The following LRFN5 variants were observed in gnomAD, a reference collection of about 807,000 sequenced individuals.
The protein encoded by LRFN5 is leucine-rich repeat and fibronectin type-III domain-containing protein 5.
LRFN5 carries 24 observed loss-of-function variants against 45.6 expected under a neutral mutation model. That is an observed-to-expected ratio of 0.53 (90% CI 0.38 to 0.74). LRFN5 has a LOEUF of 0.74. Among genes scored for constraint, LRFN5 ranks in the 30% least tolerant of loss-of-function variants. The probability of loss-of-function intolerance (pLI) is 0.00; values close to 1 mark genes in which losing one functional copy is unlikely to be tolerated. For missense variants in LRFN5, 776 were observed against 861.5 expected, an observed-to-expected ratio of 0.90 and a Z score of 1.24; for synonymous variants, 340 against 313.8, an observed-to-expected ratio of 1.08 and a Z score of -0.88.
intron 1 of LRFN5, among the ~76,000 whole-genome samples, chr14:41,618,876 GT>G (rs375513422): frequency 6.6e-6 from 1 of 152,200 alleles, no homozygotes; most frequent in South Asian, 2.1e-4. Flanking sequence ...GGCAGAATAT[GT>G]TTTTTTCTTA....
intron 1 of LRFN5, among the ~76,000 whole-genome samples, chr14:41,746,731 G>A (rs1185535556): frequency 6.6e-6 from 1 of 151,872 alleles, no homozygotes; most frequent in East Asian, 1.9e-4. Context: ...GAAGGAAAAG[G>A]CATTAGAATT....
chr14:41,893,484 G>A lies in LRFN5; in HGVS notation c.2098+1522G>A, dbSNP rs140569671. 5.2e-4 allele frequency: 512 copies of A among 982,486 alleles called. 3 individuals carry two copies. The African/African-American group carries it at 8.2e-3, about 16-fold the overall frequency. The allele number at this position is 982,486 out of a possible 1,614,324, so 60.9% of individuals were successfully genotyped here. Reference sequence around the variant, plus strand: ...TTTTAGCCATAATATCATAAGATAGGTACTTTACTATCTTATGTCAAGTAC... The same window carrying A: ...TTTTAGCCATAATATCATAAGATAGATACTTTACTATCTTATGTCAAGTAC... On this transcript the variant is annotated intron_variant, in intron 4 of 5. Coordinates refer to ENST00000298119, the MANE Select transcript of LRFN5 (RefSeq NM_152447.5).
chr14:41,823,199 T>C (rs1217878434), intron 2 of LRFN5, among the ~76,000 whole-genome samples: 1 of 152,102 alleles, frequency 6.6e-6, no homozygotes, highest in Non-Finnish European at 1.5e-5. Flanking sequence ...AGTTGTTTTG[T>C]ACTGTATACG....
chr14:41,676,816 T>C (rs1881652954), intron 1 of LRFN5, among the ~76,000 whole-genome samples: 1 of 152,192 alleles, frequency 6.6e-6, no homozygotes, highest in African/African-American at 2.4e-5. Context: ...CCTGAGAAGC[T>C]AGTCTTTAAA....
chr14:41,807,263 A>G (rs1228753094), intron 2 of LRFN5, among the ~76,000 whole-genome samples: 2 of 152,144 alleles, frequency 1.3e-5, no homozygotes, highest in Non-Finnish European at 2.9e-5. Flanking sequence ...CAGTTAGTTT[A>G]AAAGTAAAAC....
intron 2 of LRFN5, among the ~76,000 whole-genome samples, chr14:41,776,744 G>A (rs1209140371): frequency 6.6e-6 from 1 of 152,090 alleles, no homozygotes; most frequent in African/African-American, 2.4e-5. Context: ...TTTGCTGTGT[G>A]TGCGTGTGTG....
intron 2 of LRFN5, among the ~76,000 whole-genome samples, chr14:41,808,197 G>GGGAAGGAAGGGAGGAAGGAA (rs1887587587): frequency 9.9e-6 from 1 of 101,074 alleles, no homozygotes; most frequent in Non-Finnish European, 1.9e-5. Flanking sequence ...AGGAAGTAGA[G>GGGAAGGAAGGGAGGAAGGAA]GGAAGGAAGG....
chr14:41,858,193 T>G (rs996742560), intron 2 of LRFN5, among the ~76,000 whole-genome samples: 1 of 152,076 alleles, frequency 6.6e-6, no homozygotes, highest in Admixed American at 6.5e-5. Flanking sequence ...AAATATTATC[T>G]TCACCTGTTA....
chr14:41,821,805 G>T (rs1888124388), intron 2 of LRFN5, among the ~76,000 whole-genome samples: 1 of 150,794 alleles, frequency 6.6e-6, no homozygotes, highest in South Asian at 2.1e-4. Flanking sequence ...GGTGGGGGGA[G>T]ATTTGTTTTT....
chr14:41,779,839 T>C (rs1432864010), intron 2 of LRFN5, among the ~76,000 whole-genome samples: 2 of 151,920 alleles, frequency 1.3e-5, no homozygotes, highest in South Asian at 2.1e-4. Context: ...TCTGATGTAG[T>C]AATTTGTGTC....
chr14:41,687,903 C>T (rs190105156), intron 1 of LRFN5, among the ~76,000 whole-genome samples: 1 of 152,066 alleles, frequency 6.6e-6, no homozygotes, highest in African/African-American at 2.4e-5. Context: ...TGTAAAGAAC[C>T]TGCACTATCT....
At chr14:41,774,078 A>T (rs1262688471) in intron 2 of LRFN5, among the ~76,000 whole-genome samples, 1 of 152,206 alleles carries the variant, frequency 6.6e-6, no homozygotes, top group Admixed American at 6.5e-5. Context: ...CTTCTTTATG[A>T]GAAAATGATG....
chr14:41,674,160 C>A (rs1278054119), intron 1 of LRFN5, among the ~76,000 whole-genome samples: 1 of 130,972 alleles, frequency 7.6e-6, no homozygotes, highest in Non-Finnish European at 1.6e-5. Flanking sequence ...CGGGCAGAGG[C>A]GCCCCTCACC....
intron 1 of LRFN5, among the ~76,000 whole-genome samples, chr14:41,715,489 C>T (rs1001862541): frequency 6.6e-6 from 1 of 152,166 alleles, no homozygotes; most frequent in African/African-American, 2.4e-5. Context: ...TGTGGTATCT[C>T]ACCTTAACTT....
intron 2 of LRFN5, among the ~76,000 whole-genome samples, chr14:41,856,746 C>T (rs1409797727): frequency 2.4e-5 from 3 of 124,560 alleles, no homozygotes; most frequent in Non-Finnish European, 3.2e-5. Context: ...GCGCGATCTC[C>T]GCTCACTGCA....
chr14:41,837,623 A>G (rs988904032), intron 2 of LRFN5, among the ~76,000 whole-genome samples: 1 of 152,212 alleles, frequency 6.6e-6, no homozygotes, highest in African/African-American at 2.4e-5. Context: ...TGCTGTATAA[A>G]GATGGAGAAG....
At chr14:41,763,332 G>A (rs1274053240) in intron 1 of LRFN5, among the ~76,000 whole-genome samples, 3 of 152,108 alleles carry the variant, frequency 2.0e-5, no homozygotes, top group East Asian at 1.9e-4. Flanking sequence ...ATATGTTCAG[G>A]CAATTGATGA....
chr14:41,881,210 T>TA (rs1455923414), intron 2 of LRFN5, among the ~76,000 whole-genome samples: 1 of 152,140 alleles, frequency 6.6e-6, no homozygotes, highest in Non-Finnish European at 1.5e-5. Flanking sequence ...CTGCTGTTGT[T>TA]ATATCTTGCA....
intron 2 of LRFN5, among the ~76,000 whole-genome samples, chr14:41,872,465 G>A (rs1890051786): frequency 6.6e-6 from 1 of 152,120 alleles, no homozygotes; most frequent in Admixed American, 6.6e-5. Flanking sequence ...ATAAATAACA[G>A]ACTTTTCAAA....
Sources: gnomAD v4.1 joint callset for allele counts (sites outside exome capture counted in the v4.1 genomes callset) on GRCh38, gnomAD v4.1.1 for gene constraint, MANE v1.5 for transcripts, NCBI Gene and HGNC (gene_info 2026-07-23, HGNC 2026-07-21) for gene names.